Variants in POLR3A observed in about 807,000 individuals in gnomAD.
POLR3A encodes DNA-directed RNA polymerase III subunit RPC1.
Under a neutral mutation model 152.8 loss-of-function variants are expected in POLR3A, and 112 were observed. The observed-to-expected ratio is 0.73, with a 90% CI of 0.63 to 0.86. The LOEUF is 0.86. Ranked by LOEUF, POLR3A falls within the 40% of genes least tolerant of loss-of-function variation. The pLI is 0.00. For synonymous variants in POLR3A, 615 were observed against 652.1 expected, an observed-to-expected ratio of 0.94 and a Z score of 0.87; for missense variants, 1,385 against 1,743.1, an observed-to-expected ratio of 0.79 and a Z score of 3.66.
intron 14 of POLR3A, among the ~76,000 whole-genome samples, chr10:78,008,688 T>A (rs1466698624): frequency 3.9e-5 from 6 of 152,052 alleles, no homozygotes; most frequent in Admixed American, 3.9e-4. Context: ...TTGAACTGGT[T>A]TAGACAGACT....
intron 15 of POLR3A, among the ~76,000 whole-genome samples, chr10:78,005,408 C>T (rs561120873): frequency 6.6e-5 from 10 of 152,324 alleles, no homozygotes; most frequent in Non-Finnish European, 1.2e-4. Flanking sequence ...AATCACATCA[C>T]TGCGCTCCAG....
At chr10:77,985,701 A>T (rs1847190177) in intron 23 of POLR3A, among the ~76,000 whole-genome samples, 1 of 152,238 alleles carries the variant, frequency 6.6e-6, no homozygotes, top group Non-Finnish European at 1.5e-5. Flanking sequence ...GACACTAAGA[A>T]ATTTCCTTGC....
intron 29 of POLR3A, 66 bp downstream of exon 29, chr10:77,981,362 A>G: frequency 1.4e-6 from 2 of 1,471,716 alleles, no homozygotes; most frequent in Non-Finnish European, 1.9e-6. Flanking sequence ...GAAACTCCAC[A>G]GGCTTATTCT....
intron 30 of POLR3A, among the ~76,000 whole-genome samples, chr10:77,978,550 T>C (rs1448476595): frequency 6.6e-6 from 1 of 152,156 alleles, no homozygotes; most frequent in Non-Finnish European, 1.5e-5. Flanking sequence ...CTCAGCCCTA[T>C]TGTCAGGCAG....
At chr10:78,022,655 A>G (rs1165351207) in intron 5 of POLR3A, among the ~76,000 whole-genome samples, 2 of 152,266 alleles carry the variant, frequency 1.3e-5, no homozygotes, top group East Asian at 1.9e-4. Flanking sequence ...AATGTTCACA[A>G]AAGCTGTTTT....
At chr10:78,009,399 G>A in intron 14 of POLR3A, 138 bp downstream of exon 14, 1 of 1,163,866 alleles carries the variant, frequency 8.6e-7, no homozygotes, top group Non-Finnish European at 1.3e-6. Flanking sequence ...ACATTTTCCT[G>A]AAGAAAAAAC....
intron 30 of POLR3A, among the ~76,000 whole-genome samples, chr10:77,978,815 C>T (rs908728194): frequency 6.6e-6 from 1 of 151,802 alleles, no homozygotes; most frequent in Non-Finnish European, 1.5e-5. Context: ...TGCCTGCCAC[C>T]GTGCCCAGCT....
At chr10:78,029,312 C>T in intron 1 of POLR3A, 52 bp downstream of exon 1, 2 of 1,593,812 alleles carry the variant, frequency 1.3e-6, no homozygotes, top group South Asian at 1.1e-5. Flanking sequence ...CCGCTGACCT[C>T]GGACCCCTTG....
Position 78,007,717 on chromosome 10 carries a change from C to A in POLR3A, c.2059G>T (p.Ala687Ser). 2 of 1,613,912 alleles carry A rather than the reference C, an allele frequency of 1.2e-6. No individual in the cohort carries two copies. Among genetic ancestry groups the A allele is most frequent in the Non-Finnish European group, 1.7e-6 (2 of 1,179,848 alleles). Reference sequence around the variant, plus strand: ...AGATACTTACACAGGTAGACAGGAGCCAGCCTGGCGAGCCGTGACATGGCA... The same window carrying A: ...AGATACTTACACAGGTAGACAGGAGACAGCCTGGCGAGCCGTGACATGGCA... ...ADAMSRLARL[A>S]PVYLSNRGFS... The change falls in exon 15 of 31, where the codon GCT becomes TCT. Residue 687 changes from alanine to serine, a missense_variant. Coordinates refer to ENST00000372371, the MANE Select transcript of POLR3A (RefSeq NM_007055.4).
chr10:77,979,983 T>A (rs972944510), intron 30 of POLR3A, among the ~76,000 whole-genome samples, 158 bp downstream of exon 30: 1 of 152,212 alleles, frequency 6.6e-6, no homozygotes, highest in African/African-American at 2.4e-5. Context: ...GATTTGGAGA[T>A]AAAAGATCCA....
chr10:77,986,951 TCTGGCA>T (rs1847204222), intron 21 of POLR3A, among the ~76,000 whole-genome samples: 1 of 152,204 alleles, frequency 6.6e-6, no homozygotes, highest in South Asian at 2.1e-4. Flanking sequence ...ACTCAGGTTT[TCTGGCA>T]ACCACTCAAA....
chr10:77,989,356 G>T (rs1228474985), intron 21 of POLR3A, among the ~76,000 whole-genome samples: 2 of 152,168 alleles, frequency 1.3e-5, no homozygotes, highest in East Asian at 3.9e-4. Flanking sequence ...CTCTGATACG[G>T]GCTAGGGCTG....
intron 19 of POLR3A, among the ~76,000 whole-genome samples, chr10:77,998,394 A>T (rs1255086145): frequency 6.6e-6 from 1 of 152,228 alleles, no homozygotes; most frequent in African/African-American, 2.4e-5. Context: ...AAATTTTTGC[A>T]ACCTACTCAT....
chr10:78,008,127 G>A (rs1847429147), intron 14 of POLR3A, among the ~76,000 whole-genome samples: 1 of 152,126 alleles, frequency 6.6e-6, no homozygotes, highest in South Asian at 2.1e-4. Flanking sequence ...CTCCTCATCT[G>A]TGAACTGTGG....
Position 77,982,803 on chromosome 10 carries a change from T to C in POLR3A, c.3444A>G (p.Thr1148=). 6.2e-7 allele frequency: 1 copy of C among 1,614,062 alleles called. No homozygotes were observed. Among genetic ancestry groups the C allele is most frequent in the Non-Finnish European group, 8.5e-7 (1 of 1,179,950 alleles). The change falls in exon 27 of 31, where the codon ACA becomes ACG. Residue 1148 remains threonine, a synonymous_variant. Coordinates refer to ENST00000372371, the MANE Select transcript of POLR3A (RefSeq NM_007055.4). ...TGGATGTGCAGATGGAATATCTCAC[T>C]GTCTCAGCGTTCACCTGCAACATGG... ...RLLRLEVNAE[T]VRYSICTSKL...
At chr10:77,996,089 A>C (rs1467889977) in intron 19 of POLR3A, among the ~76,000 whole-genome samples, 1 of 152,206 alleles carries the variant, frequency 6.6e-6, no homozygotes, top group African/African-American at 2.4e-5. Context: ...TGAAGGCAGA[A>C]ATAAAGATGT....
At chr10:78,022,956 G>A (rs1033044980) in intron 5 of POLR3A, among the ~76,000 whole-genome samples, 14 of 150,998 alleles carry the variant, frequency 9.3e-5, no homozygotes, top group Non-Finnish European at 1.6e-4. Context: ...TCAGGAGTTC[G>A]AGACCAGCCT....
chr10:77,975,890 G>A lies in POLR3A; in HGVS notation c.*1588C>T, dbSNP rs1847083830. 6.6e-6 allele frequency: 1 copy of A among 152,140 alleles called. No homozygotes were observed. Among genetic ancestry groups the A allele is most frequent in the Non-Finnish European group, 1.5e-5 (1 of 68,016 alleles). 9.4% of individuals were successfully genotyped at this position (152,140 alleles called of 1,614,324 possible). On this transcript the variant is annotated 3_prime_UTR_variant, in exon 31 of 31. Transcript: ENST00000372371. ...AGGTTACATGAGAACTGGTGATCTC[G>A]GTGGGGTCTCAAGTAGAAGCCCTGA...
chr10:78,027,385 T>G (rs939232616), intron 1 of POLR3A, among the ~76,000 whole-genome samples: 2 of 152,140 alleles, frequency 1.3e-5, no homozygotes, highest in African/African-American at 4.8e-5. Flanking sequence ...TGCAGCCGGG[T>G]GCGGTGGCTC....
Sources: allele counts gnomAD v4.1 joint callset (sites outside exome capture counted in the v4.1 genomes callset), GRCh38; gene constraint gnomAD v4.1.1; transcripts MANE v1.5; gene names NCBI Gene and HGNC (gene_info 2026-07-23, HGNC 2026-07-21).